Variants in PHYHIP observed in about 807,000 individuals in gnomAD.
PHYHIP encodes phytanoyl-CoA 2-hydroxylase interacting protein, also known as phytanoyl-CoA hydroxylase-interacting protein.
A neutral mutation model predicts 26.1 loss-of-function variants in PHYHIP; 7 were observed. The ratio of observed to expected loss-of-function variants is 0.27; its 90% CI spans 0.15 to 0.50. The LOEUF (loss-of-function observed/expected upper bound fraction) is 0.50, where lower values mean the gene tolerates loss of function less well. PHYHIP is among the 20% of genes least tolerant of loss of function. PHYHIP has a pLI of 0.98. For missense variants in PHYHIP, 232 were observed against 454.7 expected, an observed-to-expected ratio of 0.51 and a Z score of 4.45; for synonymous variants, 206 against 183.4, an observed-to-expected ratio of 1.12 and a Z score of -1.00.
At chr8:22,227,057 C>T (rs137993690) in intron 2 of PHYHIP, 32 bp from the exon 3 acceptor site, 17 of 1,578,922 alleles carry the variant, frequency 1.1e-5, no homozygotes, top group African/African-American at 8.1e-5. Context: ...GAGAGCCAGG[C>T]GTCAAACAGG....
At position 22,221,189 on chromosome 8, in the gene PHYHIP, G is replaced by T; in HGVS notation, c.*164C>A. On this transcript the variant is annotated 3_prime_UTR_variant, in exon 5 of 5. Coordinates refer to ENST00000454243, the MANE Select transcript of PHYHIP (RefSeq NM_014759.5). This position sits in a 1 kb window ranked among gnomAD's most constrained non-coding sequence, Gnocchi z 7.9. Reference sequence around the variant, plus strand: ...TGGGTGTGGGCCACACTTACCAAGAGGACCACCGTCTGTTGCCTCCAATGC... The same window carrying T: ...TGGGTGTGGGCCACACTTACCAAGATGACCACCGTCTGTTGCCTCCAATGC... 1 of 642,706 alleles carries T rather than the reference G, an allele frequency of 1.6e-6. No individual in the cohort carries two copies. The highest frequency in any genetic ancestry group is 2.6e-6 in the Non-Finnish European group (1 of 386,252). The allele number at this position is 642,706 out of a possible 1,614,324, so 39.8% of individuals were successfully genotyped here.
intron 1 of PHYHIP, among the ~76,000 whole-genome samples, chr8:22,229,602 G>A (rs911412723): frequency 1.3e-5 from 2 of 152,160 alleles, no homozygotes; most frequent in Non-Finnish European, 2.9e-5. Flanking sequence ...GGAGGGGACA[G>A]CAGACGTGGG....
intron 1 of PHYHIP, among the ~76,000 whole-genome samples, chr8:22,229,839 A>G (rs1279971180): frequency 6.6e-6 from 1 of 152,048 alleles, no homozygotes; most frequent in Non-Finnish European, 1.5e-5. Flanking sequence ...CTGTCAATTA[A>G]GCTTGCTCCA....
chr8:22,223,219 G>A (rs1049825686), intron 4 of PHYHIP, among the ~76,000 whole-genome samples: 11 of 151,870 alleles, frequency 7.2e-5, no homozygotes, highest in African/African-American at 2.4e-4. Context: ...AAAATTAGCC[G>A]GGCATGGTGG....
chr8:22,221,265 G>A lies in PHYHIP; in HGVS notation c.*88C>T. ...GCAGAGTGGAGGGAGCAGGGGGGCA[G>A]GAGAGAGAAAGCCAGCTCCCTGAAC... On this transcript the variant is annotated 3_prime_UTR_variant, in exon 5 of 5. Transcript: ENST00000454243. This position sits in a 1 kb window ranked among gnomAD's most constrained non-coding sequence, Gnocchi z 7.9. 1 of 1,273,382 alleles carries A rather than the reference G, an allele frequency of 7.9e-7. No homozygotes were observed. The highest frequency in any genetic ancestry group is 1.1e-6 in the Non-Finnish European group (1 of 936,292). 78.9% of individuals were successfully genotyped at this position (1,273,382 alleles called of 1,614,324 possible).
At chr8:22,227,600 C>T (rs1002881630) in intron 2 of PHYHIP, 31 of 455,888 alleles carry the variant, frequency 6.8e-5, no homozygotes, top group African/African-American at 6.2e-4. Flanking sequence ...TGGGGGTCTT[C>T]CTCCCACCCA....
intron 1 of PHYHIP, 36 bp from the exon 2 acceptor site, chr8:22,228,422 C>T: frequency 1.5e-6 from 2 of 1,299,064 alleles, no homozygotes; most frequent in East Asian, 2.5e-5. Context: ...CATCCCTTGA[C>T]CCCGGCGAGC....
intron 1 of PHYHIP, 162 bp from the exon 2 acceptor site, chr8:22,228,548 A>G: frequency 1.8e-6 from 1 of 546,448 alleles, no homozygotes; most frequent in Non-Finnish European, 3.3e-6. Context: ...CTGGAGAAGG[A>G]TGATGGAGGG....
rs1172719116 is a variant in PHYHIP, at chr8:22,228,267, G to C, written c.91C>G (p.Leu31Val). 12 of 1,613,096 alleles carry C rather than the reference G, an allele frequency of 7.4e-6. No individual in the cohort carries two copies. Among genetic ancestry groups the C allele is most frequent in the Non-Finnish European group, 8.5e-6 (10 of 1,179,646 alleles). Residue 31 changes from leucine (L) to valine (V), a missense_variant, in exon 2 of 5, where the codon CTG becomes GTG. Leu to Val is a conservative substitution (Grantham distance 32). Transcript: ENST00000454243. ...ATGAAGTAATGGGTGACCCTCTCCA[G>C]GTCACTGTCCTCCATGGCCCAGGAG... ...RISWAMEDSD[L>V]ERVTHYFIDL...
At chr8:22,228,461 C>T (rs1829797252) in intron 1 of PHYHIP, 75 bp from the exon 2 acceptor site, 2 of 813,118 alleles carry the variant, frequency 2.5e-6, no homozygotes. Flanking sequence ...CCCAATATCC[C>T]TTTCGAGGCG....
In PHYHIP at chr8:22,231,202, C is replaced by G. The variant is rs148324652; in HGVS notation, c.-30+594G>C. ...CATCCTGCTCTGGGTCTCACCTCCC[C>G]ATATAGAAAGCCCCTGTCTGCATAC... On this transcript the variant is annotated intron_variant, in intron 1 of 4. Transcript: ENST00000454243. Among the ~76,000 whole-genome samples, 409 of 152,228 alleles carry G rather than the reference C, an allele frequency of 2.7e-3. 1 individual carries two copies. Among genetic ancestry groups the G allele is most frequent in the Middle Eastern group, 0.014 (4 of 294 alleles).
At chr8:22,227,494 C>T (rs564046724) in intron 2 of PHYHIP, among the ~76,000 whole-genome samples, 5 of 152,276 alleles carry the variant, frequency 3.3e-5, no homozygotes, top group Non-Finnish European at 7.4e-5. Flanking sequence ...GAGCCGGTTC[C>T]AGAGAAAGAG....
intron 4 of PHYHIP, among the ~76,000 whole-genome samples, chr8:22,222,402 C>T (rs1299576846): frequency 6.6e-6 from 1 of 152,208 alleles, no homozygotes; most frequent in African/African-American, 2.4e-5. Context: ...CCAGGAACAG[C>T]AGACACCTGC....
chr8:22,222,833 G>A (rs977513170), intron 4 of PHYHIP, among the ~76,000 whole-genome samples: 1 of 152,088 alleles, frequency 6.6e-6, no homozygotes, highest in Non-Finnish European at 1.5e-5. Flanking sequence ...CGAACTCCTG[G>A]GCTCAAGCAA....
intron 1 of PHYHIP, among the ~76,000 whole-genome samples, chr8:22,229,244 G>T (rs553299591): frequency 6.6e-6 from 1 of 152,036 alleles, no homozygotes; most frequent in Non-Finnish European, 1.5e-5. Flanking sequence ...TTTGAACTCC[G>T]GCACCCAAGC....
Position 22,221,251 on chromosome 8 carries a change from G to T in PHYHIP, c.*102C>A. 8.9e-7 allele frequency: 1 copy of T among 1,128,254 alleles called. No individual in the cohort carries two copies. Among genetic ancestry groups the T allele is most frequent in the East Asian group, 2.5e-5 (1 of 39,744 alleles). 69.9% of individuals were successfully genotyped at this position (1,128,254 alleles called of 1,614,324 possible). A position where few individuals can be genotyped will look rare whatever the true frequency, so the allele number is the denominator to read the frequency against. ...GGGAGGGCAGCTGGGCAGAGTGGAG[G>T]GAGCAGGGGGGCAGGAGAGAGAAAG... On this transcript the variant is annotated 3_prime_UTR_variant, in exon 5 of 5. Coordinates refer to ENST00000454243, the MANE Select transcript of PHYHIP (RefSeq NM_014759.5). This position sits in a 1 kb window ranked among gnomAD's most constrained non-coding sequence, Gnocchi z 7.9.
At chr8:22,227,141 AAT>A in intron 2 of PHYHIP, 116 bp from the exon 3 acceptor site, 1 of 872,080 alleles carries the variant, frequency 1.1e-6, no homozygotes, top group Non-Finnish European at 1.7e-6. Context: ...GAGCAGGACC[AAT>A]CTTGAGGATC....
At chr8:22,229,949 G>A (rs888643897) in intron 1 of PHYHIP, among the ~76,000 whole-genome samples, 12 of 152,168 alleles carry the variant, frequency 7.9e-5, no homozygotes, top group African/African-American at 2.7e-4. Flanking sequence ...TGTCACTCAA[G>A]TCCTGTTTCA....
Position 22,221,824 on chromosome 8 carries a change from G to C in PHYHIP, c.522C>G (p.Pro174=). 3 of 1,594,474 alleles carry C rather than the reference G, an allele frequency of 1.9e-6. No homozygotes were observed. The highest frequency in any genetic ancestry group is 1.8e-5 in the Admixed American group (1 of 57,104). ...LKDNSGSHGS[P]TSGMLHGVFF... ...AGACCCCGTGGAGCATACCGCTGGT[G>C]GGGGAGCCGTGGCTGCCACTGTTGT... The change falls in exon 5 of 5, where the codon CCC becomes CCG. Residue 174 remains proline, a synonymous_variant. Coordinates refer to ENST00000454243, the MANE Select transcript of PHYHIP (RefSeq NM_014759.5). This position sits in a 1 kb window ranked among gnomAD's most constrained non-coding sequence, Gnocchi z 7.9.
Sources: gnomAD v4.1 joint callset for allele counts (sites outside exome capture counted in the v4.1 genomes callset) on GRCh38, gnomAD v4.1.1 for gene constraint, Gnocchi (gnomAD v3.1) non-coding constraint, MANE v1.5 for transcripts, NCBI Gene and HGNC (gene_info 2026-07-23, HGNC 2026-07-21) for gene names.